PPP2R1B: variants seen among roughly 807,000 people sequenced by gnomAD.
PPP2R1B encodes serine/threonine-protein phosphatase 2A 65 kDa regulatory subunit A beta isoform.
Under a neutral mutation model 72.7 loss-of-function variants are expected in PPP2R1B, and 58 were observed. That is an observed-to-expected ratio of 0.80 (90% CI 0.65 to 0.99). The LOEUF (loss-of-function observed/expected upper bound fraction) is 0.99, where lower values mean the gene tolerates loss of function less well. Among genes scored for constraint, PPP2R1B ranks in the 50% least tolerant of loss-of-function variants. The pLI is 0.00. For missense variants in PPP2R1B, 695 were observed against 733.6 expected (o/e 0.95, Z 0.61); for synonymous variants, 256 against 264.6 (o/e 0.97, Z 0.32).
At chr11:111,766,063 A>T in intron 1 of PPP2R1B, 185 bp downstream of exon 1, 1 of 620,316 alleles carries the variant, frequency 1.6e-6, no homozygotes, top group Admixed American at 2.5e-5. Context: ...CTAGAGAGGT[A>T]CCCGGGAGGG....
In PPP2R1B at chr11:111,760,945, G is replaced by A. The variant is rs1398530207; in HGVS notation, c.413C>T (p.Ala138Val). The A allele has an allele frequency of 1.9e-6, 3 of 1,614,080 alleles. No individual in the cohort carries two copies. Among genetic ancestry groups the A allele is most frequent in the South Asian group, 2.2e-5 (2 of 91,078 alleles). Residue 138 changes from alanine to valine, a missense_variant, in exon 4 of 15, where the codon GCT becomes GTT. Physicochemically the swap from Ala to Val is moderately conservative, Grantham distance 64 (BLOSUM62 0). Transcript: ENST00000527614. Reference sequence around the variant, plus strand: ...GCGTTTCACCAGAGGTACAAAATAAGCTTCCAGAGCAACAGGAGTATGCTC... The same window carrying A: ...GCGTTTCACCAGAGGTACAAAATAAACTTCCAGAGCAACAGGAGTATGCTC... ...SQEHTPVALE[A>V]YFVPLVKRLA...
the PPP2R1B span, chr11:111,700,806 A>T: frequency 6.5e-7 from 1 of 1,535,718 alleles, no homozygotes; most frequent in East Asian, 2.3e-5. Context: ...TTAATATAGC[A>T]TATTAGAAAA....
the PPP2R1B span, chr11:111,712,511 A>G: frequency 2.2e-6 from 2 of 897,330 alleles, no homozygotes; most frequent in Non-Finnish European, 3.3e-6. Flanking sequence ...TTGTGGAGAA[A>G]AACCTTAGAA....
the PPP2R1B span, chr11:111,719,874 C>G: frequency 6.2e-7 from 1 of 1,614,132 alleles, no homozygotes; most frequent in Non-Finnish European, 8.5e-7. Flanking sequence ...TGACGAAGGG[C>G]TGGAGACAGA....
chr11:111,732,061 G>A (rs982030859), intron 15 of PPP2R1B, among the ~76,000 whole-genome samples: 1 of 152,216 alleles, frequency 6.6e-6, no homozygotes, highest in Admixed American at 6.5e-5. Flanking sequence ...GAGCAGCAGG[G>A]AGGCCTGCAC....
rs188597656 is a variant in PPP2R1B at position 111,729,972 on chromosome 11, C to T, written c.1912-2915G>A. ...TTCCTCAATTGCCAAGGGGCCGCAT[C>T]GCACGGCATCAGGCCACCACTGCAG... is the stretch of plus-strand genomic sequence containing the variant. On this transcript the variant is annotated intron_variant, in intron 15 of 15. Transcript: ENST00000311129. 7.7e-3 allele frequency: 1,175 copies of T among 152,270 alleles called. 10 individuals carry two copies. Among genetic ancestry groups the T allele is most frequent in the Middle Eastern group, 0.051 (15 of 296 alleles). The allele number at this position is 152,270 out of a possible 1,614,324, so 9.4% of individuals were successfully genotyped here. A position where few individuals can be genotyped will look rare whatever the true frequency, so the allele number is the denominator to read the frequency against.
chr11:111,751,040 T>C (rs886171044), intron 10 of PPP2R1B, among the ~76,000 whole-genome samples: 2 of 152,186 alleles, frequency 1.3e-5, no homozygotes, highest in Admixed American at 1.3e-4. Context: ...GGTTTCACCA[T>C]GTTGGCCAGG....
chr11:111,715,641 G>A, the PPP2R1B span, among the ~76,000 whole-genome samples: 1 of 152,202 alleles, frequency 6.6e-6, no homozygotes, highest in South Asian at 2.1e-4. Context: ...TGGATCAGGT[G>A]TTCCAAACAG....
At chr11:111,745,029 T>G (rs1269470749) in intron 11 of PPP2R1B, among the ~76,000 whole-genome samples, 1 of 150,800 alleles carries the variant, frequency 6.6e-6, no homozygotes, top group Non-Finnish European at 1.5e-5. Flanking sequence ...AGCTAGAGTA[T>G]TTGTGTCTTC....
chr11:111,688,462 A>T, the PPP2R1B span, among the ~76,000 whole-genome samples: 2 of 152,166 alleles, frequency 1.3e-5, no homozygotes, highest in South Asian at 4.1e-4. This position sits in a 1 kb window ranked among gnomAD's most constrained non-coding sequence, Gnocchi z 4.2. Flanking sequence ...GAGTGACTGG[A>T]GAAAAGACAG....
intron 1 of PPP2R1B, chr11:111,765,709 T>C (rs144531784): frequency 2.0e-6 from 1 of 497,514 alleles, no homozygotes; most frequent in African/African-American, 1.9e-5. Flanking sequence ...AACGGTTGAA[T>C]ACAACACCTG....
At chr11:111,726,790 T>C (rs539728569), downstream of PPP2R1B, 94 of 608,732 alleles carry the variant, frequency 1.5e-4, no homozygotes, top group East Asian at 1.9e-3. Context: ...CTTTCCAGTC[T>C]GATTCACGTT....
chr11:111,701,379 TG>T, the PPP2R1B span: 1 of 1,551,934 alleles, frequency 6.4e-7, no homozygotes, highest in Non-Finnish European at 8.8e-7. The surrounding 1 kb of genome is among the most constrained non-coding windows in gnomAD (Gnocchi z 4.2). Flanking sequence ...TCAAGAGCCC[TG>T]GGGATGTTCA....
intron 5 of PPP2R1B, among the ~76,000 whole-genome samples, chr11:111,756,561 G>A (rs915829384): frequency 9.9e-5 from 15 of 152,130 alleles, no homozygotes; most frequent in Admixed American, 3.3e-4. Flanking sequence ...GATCAGGGTC[G>A]CAGTAACAGG....
downstream of PPP2R1B, chr11:111,726,699 T>C: frequency 2.1e-6 from 1 of 476,812 alleles, no homozygotes; most frequent in Non-Finnish European, 3.8e-6. Context: ...CAGTTTTCTC[T>C]TCATCACTAC....
At chr11:111,744,906 A>G (rs1330069061) in intron 11 of PPP2R1B, among the ~76,000 whole-genome samples, 1 of 152,184 alleles carries the variant, frequency 6.6e-6, no homozygotes, top group African/African-American at 2.4e-5. Context: ...CAGATGCACT[A>G]AGGAGCAAAC....
the PPP2R1B span, among the ~76,000 whole-genome samples, chr11:111,702,463 C>T: frequency 1.1e-4 from 16 of 152,208 alleles, no homozygotes; most frequent in Non-Finnish European, 1.6e-4. Flanking sequence ...GTGGCATGCA[C>T]CTGTAGTCCT....
rs1945305680 is a variant in PPP2R1B, at chr11:111,761,027, C to T, written c.331G>A (p.Val111Met). 6.2e-7 allele frequency: 1 copy of T among 1,614,150 alleles called. No homozygotes were observed. The highest frequency in any genetic ancestry group is 1.3e-5 in the African/African-American group (1 of 75,062). Residue 111 changes from valine to methionine, a missense_variant, in exon 4 of 15, where the codon GTG becomes ATG. Transcript: ENST00000527614. ...TTGTCACGAACAACAGTCTCTTCCA[C>T]AGTTGCCAGATTTTCCAAAGGAGGC... ...LLPPLENLAT[V>M]EETVVRDKAV...
chr11:111,699,677 G>T, the PPP2R1B span, among the ~76,000 whole-genome samples: 1 of 152,168 alleles, frequency 6.6e-6, no homozygotes. Flanking sequence ...ATGTTAGCAA[G>T]CTAAGAGAAT....
Sources: gnomAD v4.1 joint callset for allele counts (sites outside exome capture counted in the v4.1 genomes callset) on GRCh38, gnomAD v4.1.1 for gene constraint, Gnocchi (gnomAD v3.1) non-coding constraint, MANE v1.5 for transcripts, NCBI Gene and HGNC (gene_info 2026-07-23, HGNC 2026-07-21) for gene names.